The following PTPRN2 variants were observed in gnomAD, a reference collection of about 807,000 sequenced individuals.
PTPRN2 encodes the protein protein tyrosine phosphatase receptor type N2.
A neutral mutation model predicts 118.8 loss-of-function variants in PTPRN2; 74 were observed. The ratio of observed to expected loss-of-function variants is 0.62; its 90% confidence interval spans 0.52 to 0.76. The LOEUF is 0.76. Ranked by LOEUF, PTPRN2 falls within the 30% of genes least tolerant of loss-of-function variation. The pLI is 0.00. For synonymous variants in PTPRN2, 641 were observed against 608.0 expected, an observed-to-expected ratio of 1.05 and a Z score of -0.80; for missense variants, 1,481 against 1,394.4, an observed-to-expected ratio of 1.06 and a Z score of -0.99.
intron 11 of PTPRN2, among the ~76,000 whole-genome samples, chr7:158,017,138 A>AT (rs1182601139): frequency 2.0e-5 from 3 of 152,226 alleles, no homozygotes; most frequent in Non-Finnish European, 2.9e-5. Flanking sequence ...CTTGAAATGC[A>AT]TTTTTTGCTT....
intron 10 of PTPRN2, among the ~76,000 whole-genome samples, chr7:158,100,836 C>T (rs1197276760): frequency 6.6e-6 from 1 of 152,110 alleles, no homozygotes; most frequent in Non-Finnish European, 1.5e-5. Context: ...TTTTCTCACT[C>T]TTTGGGTTGT....
In PTPRN2 at chr7:158,462,823, GA is replaced by G. The variant is rs1819104065; in HGVS notation, c.163+26911del. On this transcript the variant is annotated intron_variant, in intron 2 of 22. Coordinates refer to ENST00000389418, the MANE Select transcript of PTPRN2 (RefSeq NM_002847.5). Reference sequence around the variant, plus strand: ...GATCCAGGAAAACAGAGGATGAGTTGAAGGTTGGGACACAGACCCCTTCAGG... The same window carrying G: ...GATCCAGGAAAACAGAGGATGAGTTGAGGTTGGGACACAGACCCCTTCAGG... Among the ~76,000 whole-genome samples the G allele has an allele frequency of 2.6e-5, 4 of 152,208 alleles. No individual in the cohort carries two copies. The South Asian group carries it at 8.3e-4, about 32-fold the overall frequency.
At chr7:158,567,867 G>A (rs1827754696) in intron 1 of PTPRN2, among the ~76,000 whole-genome samples, 1 of 152,184 alleles carries the variant, frequency 6.6e-6, no homozygotes, top group South Asian at 2.1e-4. Flanking sequence ...TGGGGCACGG[G>A]CCATCCCAAC....
At chr7:158,043,832 G>A (rs891252097) in intron 11 of PTPRN2, among the ~76,000 whole-genome samples, 1 of 152,224 alleles carries the variant, frequency 6.6e-6, no homozygotes, top group Non-Finnish European at 1.5e-5. Context: ...TGTGGCGAGA[G>A]GGGAGAAGCG....
chr7:158,535,232 G>A (rs1825578372), intron 1 of PTPRN2, among the ~76,000 whole-genome samples: 1 of 152,186 alleles, frequency 6.6e-6, no homozygotes, highest in African/African-American at 2.4e-5. Context: ...CAGCAGCTTT[G>A]ATCTCAGATA....
At chr7:157,771,670 AAC>A (rs1387360896) in intron 12 of PTPRN2, among the ~76,000 whole-genome samples, 1 of 152,074 alleles carries the variant, frequency 6.6e-6, no homozygotes, top group East Asian at 1.9e-4. Context: ...GAGACACACA[AAC>A]ACACAGACAC....
rs1213487193 is a variant in PTPRN2, at chr7:158,319,418, C to CCACA, written c.164-2490_164-2487dup. Among the ~76,000 whole-genome samples the CCACA allele has an allele frequency of 3.1e-4, 27 of 88,242 alleles. 2 individuals are homozygous for CCACA. Among genetic ancestry groups the CCACA allele is most frequent in the African/African-American group, 1.2e-3 (23 of 19,894 alleles). The allele number at this position is 88,242 out of a possible 152,430, so 57.9% of individuals were successfully genotyped here. A position where few individuals can be genotyped will look rare whatever the true frequency, so the allele number is the denominator to read the frequency against. ...GCCTCCCACACACACACACAGCCTC[C>CCACA]CACACACACACACACACAGCCTCCC... is the stretch of plus-strand genomic sequence containing the variant. On this transcript the variant is annotated intron_variant, in intron 2 of 22. Transcript: ENST00000389418.
chr7:158,411,333 G>A lies in PTPRN2; in HGVS notation c.163+78402C>T, dbSNP rs115343210. 8.1e-3 allele frequency among the ~76,000 whole-genome samples: 1,237 copies of A among 152,214 alleles called. 14 individuals carry two copies. Among genetic ancestry groups the A allele is most frequent in the African/African-American group, 0.028 (1,158 of 41,514 alleles). Reference sequence around the variant, plus strand: ...TTGAAATGAGGTGACATCTCCAGTCGCTTCCCGTGATGAAGTGCGGGGCCT... The same window carrying A: ...TTGAAATGAGGTGACATCTCCAGTCACTTCCCGTGATGAAGTGCGGGGCCT... On this transcript the variant is annotated intron_variant, in intron 2 of 22. Coordinates refer to ENST00000389418, the MANE Select transcript of PTPRN2 (RefSeq NM_002847.5).
intron 9 of PTPRN2, among the ~76,000 whole-genome samples, chr7:158,111,527 G>A (rs1056991294): frequency 6.6e-6 from 1 of 152,228 alleles, no homozygotes; most frequent in African/African-American, 2.4e-5. Context: ...CCAGCATTCA[G>A]GTTGAAAGTC....
At chr7:157,902,016 G>A (rs552168834) in intron 11 of PTPRN2, among the ~76,000 whole-genome samples, 1 of 152,308 alleles carries the variant, frequency 6.6e-6, no homozygotes, top group East Asian at 1.9e-4. Flanking sequence ...TGTTTCCTTG[G>A]TTCTGGAGTG....
intron 2 of PTPRN2, among the ~76,000 whole-genome samples, chr7:158,471,631 C>T (rs537362684): frequency 5.5e-4 from 84 of 151,952 alleles, no homozygotes; most frequent in Non-Finnish European, 1.0e-3. Flanking sequence ...GAAGTTGTGG[C>T]GAGCTGAGAT....
intron 11 of PTPRN2, among the ~76,000 whole-genome samples, chr7:157,961,530 C>G (rs1415941497): frequency 8.5e-6 from 1 of 117,632 alleles, no homozygotes; most frequent in Non-Finnish European, 2.2e-5. Context: ...CAGACTCTGT[C>G]TCAAAAAAAA....
At chr7:157,966,120 A>C (rs958363351) in intron 11 of PTPRN2, among the ~76,000 whole-genome samples, 2 of 152,062 alleles carry the variant, frequency 1.3e-5, no homozygotes, top group Non-Finnish European at 2.9e-5. Context: ...TCTTCTCACT[A>C]AGAAAAGTTA....
intron 2 of PTPRN2, among the ~76,000 whole-genome samples, chr7:158,332,590 C>A (rs1220287176): frequency 6.6e-6 from 1 of 151,622 alleles, no homozygotes; most frequent in African/African-American, 2.4e-5. Context: ...CACACCCACA[C>A]TCTCACCATA....
chr7:158,307,898 A>C (rs2151065451), intron 3 of PTPRN2, among the ~76,000 whole-genome samples: 1 of 152,224 alleles, frequency 6.6e-6, no homozygotes, highest in African/African-American at 2.4e-5. Context: ...CTTTCTAAGA[A>C]GAGGAAGGGA....
intron 3 of PTPRN2, among the ~76,000 whole-genome samples, chr7:158,282,352 A>T (rs1319434253): frequency 6.6e-6 from 1 of 152,246 alleles, no homozygotes; most frequent in Non-Finnish European, 1.5e-5. Flanking sequence ...TAATGAAGCA[A>T]CTGTCTTTGA....
At chr7:158,577,147 G>A (rs1425390073) in intron 1 of PTPRN2, among the ~76,000 whole-genome samples, 1 of 121,422 alleles carries the variant, frequency 8.2e-6, no homozygotes, top group Non-Finnish European at 1.7e-5. Context: ...GCCACAGACA[G>A]CATGGGGCCT....
At chr7:157,712,801 C>T (rs1446336182) in intron 12 of PTPRN2, among the ~76,000 whole-genome samples, 1 of 149,554 alleles carries the variant, frequency 6.7e-6, no homozygotes, top group Non-Finnish European at 1.5e-5. Flanking sequence ...GACAGACGTG[C>T]ACAGGGAGCG....
rs967846530 is a variant in PTPRN2, at chr7:157,953,096, C to T, written c.1724-54359G>A. Among the ~76,000 whole-genome samples, 4 of 152,176 alleles carry T rather than the reference C, an allele frequency of 2.6e-5. No individual in the cohort carries two copies. The highest frequency in any genetic ancestry group is 2.1e-4 in the South Asian group (1 of 4,832). ...TGAGCCGTCCAGTGCCAGGAACCAC[C>T]GGACCCACGGGGTGAGCCCTCTGGC... On this transcript the variant is annotated intron_variant, in intron 11 of 22. Transcript: ENST00000389418. The surrounding 1 kb of genome is among the most constrained non-coding windows in gnomAD (Gnocchi z 4.6).
Sources: gnomAD v4.1 joint callset for allele counts (sites outside exome capture counted in the v4.1 genomes callset) on GRCh38, gnomAD v4.1.1 for gene constraint, Gnocchi (gnomAD v3.1) non-coding constraint, MANE v1.5 for transcripts, NCBI Gene and HGNC (gene_info 2026-07-23, HGNC 2026-07-21) for gene names.